The following PGA5 variants were observed in gnomAD, a reference collection of about 807,000 sequenced individuals.
The protein encoded by PGA5 is pepsinogen A5.
A neutral mutation model predicts 15.9 loss-of-function variants in PGA5; 19 were observed. The observed-to-expected ratio is 1.19, with a 90% CI of 0.83 to 1.75. The LOEUF is 1.75. Among genes scored for constraint, PGA5 ranks in the 40% most tolerant of loss-of-function variants. The probability of loss-of-function intolerance (pLI) is 0.00; values close to 1 mark genes in which losing one functional copy is unlikely to be tolerated. For missense variants in PGA5, 224 were observed against 246.4 expected (o/e 0.91, Z 0.61); for synonymous variants, 92 against 95.8 (o/e 0.96, Z 0.23).
At chr11:61,247,873 A>T (rs1854086187) in intron 5 of PGA5, among the ~76,000 whole-genome samples, 1 of 151,946 alleles carries the variant, frequency 6.6e-6, no homozygotes, top group African/African-American at 2.4e-5. Context: ...GCCGCCAAGG[A>T]CTGTCCCGTG....
In PGA5 at chr11:61,250,836, C is replaced by G. The variant is rs542793889; in HGVS notation, c.1018-296C>G. 657 of 646,212 alleles carry G rather than the reference C, an allele frequency of 1.0e-3. 11 individuals are homozygous for G. The highest frequency in any genetic ancestry group is 0.01 in the African/African-American group (562 of 55,746). The allele number at this position is 646,212 out of a possible 1,614,324, so 40.0% of individuals were successfully genotyped here. A position where few individuals can be genotyped will look rare whatever the true frequency, so the allele number is the denominator to read the frequency against. On this transcript the variant is annotated intron_variant, in intron 8 of 8. Transcript: ENST00000312403. ...ATGTAGTGGCAGGGTTTTTAAACTCCTTCCTAGCAGCTGAATTCTACCTAA... is the reference window on the plus strand; with the variant it reads ...ATGTAGTGGCAGGGTTTTTAAACTCGTTCCTAGCAGCTGAATTCTACCTAA...
chr11:61,250,757 C>T (rs760771632), intron 8 of PGA5: 9 of 482,440 alleles, frequency 1.9e-5, no homozygotes, highest in Non-Finnish European at 3.7e-5. Flanking sequence ...GGCAAGAGGG[C>T]TAATAGCTCA....
intron 5 of PGA5, among the ~76,000 whole-genome samples, chr11:61,247,327 G>T (rs1310366931): frequency 6.7e-6 from 1 of 150,272 alleles, no homozygotes; most frequent in Non-Finnish European, 1.5e-5. Flanking sequence ...CGCCCAGGCT[G>T]GAGTGCAGTG....
chr11:61,250,435 G>T (rs1244952422), intron 8 of PGA5, among the ~76,000 whole-genome samples: 1 of 151,426 alleles, frequency 6.6e-6, no homozygotes, highest in African/African-American at 2.4e-5. Flanking sequence ...AGCTACCAAG[G>T]GTTGGGCAAA....
At chr11:61,246,396 T>C (rs1330551499) in intron 5 of PGA5, among the ~76,000 whole-genome samples, 1 of 151,706 alleles carries the variant, frequency 6.6e-6, no homozygotes, top group Non-Finnish European at 1.5e-5. Flanking sequence ...ACAACTCAAA[T>C]GTCATCAGCC....
In PGA5 at chr11:61,246,047, C is replaced by T. The variant is rs550895439; in HGVS notation, c.558C>T (p.Ala186=). The T allele has an allele frequency of 4.8e-5, 20 of 413,054 alleles. No individual in the cohort carries two copies. The highest frequency in any genetic ancestry group is 3.8e-4 in the South Asian group (17 of 44,626). 25.6% of individuals were successfully genotyped at this position (413,054 alleles called of 1,614,324 possible). The change falls in exon 5 of 9, where the codon GCC becomes GCT. Residue 186 remains alanine (A), a synonymous_variant. Coordinates refer to ENST00000312403, the MANE Select transcript of PGA5 (RefSeq NM_014224.5). ...YAPFDGILGL[A]YPSISSSGAT... is the part of the protein sequence containing the mutation. ...CCTTCGATGGCATCCTGGGGCTGGC[C>T]TACCCCAGCATTTCCTCCTCCGGGG...
intron 5 of PGA5, among the ~76,000 whole-genome samples, chr11:61,246,780 A>C (rs1160745691): frequency 6.6e-6 from 1 of 151,304 alleles, no homozygotes; most frequent in Non-Finnish European, 1.5e-5. Flanking sequence ...TAAATAAATA[A>C]ATAAATAAAT....
intron 7 of PGA5, 40 bp from the exon 8 acceptor site, chr11:61,249,876 C>G: frequency 6.2e-7 from 1 of 1,613,686 alleles, no homozygotes; most frequent in Non-Finnish European, 8.5e-7. Context: ...GCAGAAGCGA[C>G]GAAAACCCTT....
chr11:61,251,243 A>G lies in PGA5; in HGVS notation c.1129A>G (p.Arg377Gly). The G allele has an allele frequency of 6.2e-7, 1 of 1,611,874 alleles. No homozygotes were observed. The highest frequency in any genetic ancestry group is 2.3e-4 in the Middle Eastern group (1 of 4,430). ...FIRQYFTVFDRANNQVGLAPV... is the reference protein window; with the variant it reads ...FIRQYFTVFDGANNQVGLAPV... Reference sequence around the variant, plus strand: ...CCGCCAGTACTTTACCGTCTTCGACAGGGCAAACAACCAGGTCGGCCTGGC... The same window carrying G: ...CCGCCAGTACTTTACCGTCTTCGACGGGGCAAACAACCAGGTCGGCCTGGC... Residue 377 changes from arginine to glycine, a missense_variant, in exon 9 of 9, where the codon AGG (arginine) becomes GGG (glycine). Coordinates refer to ENST00000312403, the MANE Select transcript of PGA5 (RefSeq NM_014224.5).
At position 61,249,644 on chromosome 11, in the gene PGA5, A is replaced by T; in HGVS notation, c.774-25A>T. 3 of 1,613,464 alleles carry T rather than the reference A, an allele frequency of 1.9e-6. No homozygotes were observed. In the South Asian group the frequency reaches 3.3e-5, roughly 18 times the overall value. ...GAGATGAACCCCTGAGGGCTCAGGG[A>T]GCTTAACTTGCTTCTTACCCTCAGC... On this transcript the variant is annotated intron_variant, in intron 6 of 8. Transcript: ENST00000312403.
At chr11:61,247,157 G>C (rs1854075781) in intron 5 of PGA5, among the ~76,000 whole-genome samples, 1 of 151,966 alleles carries the variant, frequency 6.6e-6, no homozygotes, top group African/African-American at 2.4e-5. Flanking sequence ...CTCCTCGGTT[G>C]GTAACTACAC....
chr11:61,250,222 A>C (rs1404829945), intron 8 of PGA5, among the ~76,000 whole-genome samples: 3 of 151,340 alleles, frequency 2.0e-5, no homozygotes, highest in African/African-American at 7.4e-5. Flanking sequence ...TAAGGGAACA[A>C]GTGAAGCAAA....
chr11:61,251,325 T>C lies in PGA5; in HGVS notation c.*44T>C, dbSNP rs1854138967. On this transcript the variant is annotated 3_prime_UTR_variant, in exon 9 of 9. Coordinates refer to ENST00000312403, the MANE Select transcript of PGA5 (RefSeq NM_014224.5). ...ACCTCCCAGGAAGATCTGGCCTCCG[T>C]CCTATGCCCACTTTAGATGTATCTA... 1 of 1,611,654 alleles carries C rather than the reference T, an allele frequency of 6.2e-7. No homozygotes were observed. Among genetic ancestry groups the C allele is most frequent in the South Asian group, 1.1e-5 (1 of 90,962 alleles).
chr11:61,248,843 C>T (rs186001755), intron 6 of PGA5, among the ~76,000 whole-genome samples: 4 of 152,128 alleles, frequency 2.6e-5, no homozygotes, highest in Non-Finnish European at 5.9e-5. Context: ...CACCTGTCCA[C>T]GCATCTCACA....
chr11:61,249,755 C>T lies in PGA5; in HGVS notation c.860C>T (p.Thr287Ile). Residue 287 changes from threonine (T) to isoleucine (I), a missense_variant, in exon 7 of 9, where the codon ACC becomes ATC. By Grantham distance (89) the Thr-to-Ile change is moderately conservative. Transcript: ENST00000312403. ...DTGTSLLTGP[T>I]SPIANIQSDI... ...GGCACCTCTCTGCTGACCGGCCCAA[C>T]CAGCCCCATTGCCAACATCCAGAGC... 1.2e-6 allele frequency: 2 copies of T among 1,613,652 alleles called. No homozygotes were observed.
chr11:61,250,619 G>A lies in PGA5; in HGVS notation c.1018-513G>A, dbSNP rs187524080. 2.9e-4 allele frequency: 134 copies of A among 459,500 alleles called. No homozygotes were observed. In the East Asian group the frequency reaches 8.8e-3, roughly 30 times the overall value. The allele number at this position is 459,500 out of a possible 1,614,324, so 28.5% of individuals were successfully genotyped here. ...AAGTTATTCAACAAGAAGCACTGATGCCTGGGCTCCCCCACTGATTCTGAT... is the reference window on the plus strand; with the variant it reads ...AAGTTATTCAACAAGAAGCACTGATACCTGGGCTCCCCCACTGATTCTGAT... On this transcript the variant is annotated intron_variant, in intron 8 of 8. Transcript: ENST00000312403.
intron 8 of PGA5, chr11:61,250,680 G>A (rs972338463): frequency 8.6e-6 from 4 of 463,010 alleles, no homozygotes; most frequent in African/African-American, 2.0e-5. Flanking sequence ...GCAATGGGAT[G>A]GGGCTGCGGG....
intron 8 of PGA5, chr11:61,250,667 T>C (rs1304561192): frequency 1.1e-5 from 5 of 462,204 alleles, no homozygotes; most frequent in African/African-American, 4.0e-5. Context: ...GGGCAAGGCC[T>C]GAGCAATGGG....
At chr11:61,248,776 C>T (rs983760454) in intron 6 of PGA5, among the ~76,000 whole-genome samples, 34 of 152,090 alleles carry the variant, frequency 2.2e-4, no homozygotes, top group African/African-American at 7.7e-4. Context: ...GGCCACTGTC[C>T]TCCTAGTCAC....
Sources: gnomAD v4.1 joint callset for allele counts (sites outside exome capture counted in the v4.1 genomes callset) on GRCh38, gnomAD v4.1.1 for gene constraint, MANE v1.5 for transcripts, NCBI Gene and HGNC (gene_info 2026-07-23, HGNC 2026-07-21) for gene names.